Variants in CNTNAP2 observed in about 807,000 individuals in gnomAD.
The protein encoded by CNTNAP2 is contactin associated protein 2.
In CNTNAP2, 98 loss-of-function variants were observed where a neutral mutation model predicts 155.2. The ratio of observed to expected loss-of-function variants is 0.63; its 90% CI spans 0.54 to 0.75. The LOEUF is 0.75. Among genes scored for constraint, CNTNAP2 ranks in the 30% least tolerant of loss-of-function variants. The probability of loss-of-function intolerance (pLI) is 0.00; values close to 1 mark genes in which losing one functional copy is unlikely to be tolerated. For missense variants in CNTNAP2, 1,727 were observed against 1,688.1 expected (o/e 1.02, Z -0.40); for synonymous variants, 651 against 631.2 (o/e 1.03, Z -0.47).
intron 3 of CNTNAP2, among the ~76,000 whole-genome samples, chr7:146,950,829 T>C (rs1797296565): frequency 1.3e-5 from 2 of 152,156 alleles, no homozygotes; most frequent in Non-Finnish European, 2.9e-5. Flanking sequence ...TTGCTGGGTC[T>C]AATGGTATTT....
chr7:146,965,721 G>C (rs972999821), intron 3 of CNTNAP2, among the ~76,000 whole-genome samples: 1 of 152,138 alleles, frequency 6.6e-6, no homozygotes, highest in Non-Finnish European at 1.5e-5. Context: ...GAAATATCCA[G>C]GCTATAGAAA....
chr7:147,104,141 G>A (rs1800708513), intron 4 of CNTNAP2, among the ~76,000 whole-genome samples: 1 of 151,974 alleles, frequency 6.6e-6, no homozygotes, highest in Middle Eastern at 3.2e-3. Flanking sequence ...AATATTAGAG[G>A]AAGCTGGGTG....
At chr7:148,183,392 A>C (rs117576639) in intron 18 of CNTNAP2, among the ~76,000 whole-genome samples, 1 of 152,188 alleles carries the variant, frequency 6.6e-6, no homozygotes, top group Non-Finnish European at 1.5e-5. Flanking sequence ...TAAAGTCTAA[A>C]GACAAAAGTT....
At chr7:146,121,726 C>T (rs778423289) in intron 1 of CNTNAP2, among the ~76,000 whole-genome samples, 1 of 152,016 alleles carries the variant, frequency 6.6e-6, no homozygotes, top group Non-Finnish European at 1.5e-5. Context: ...CTGGCTGTTA[C>T]CTGTTTCTAG....
intron 16 of CNTNAP2, among the ~76,000 whole-genome samples, chr7:148,126,758 C>T (rs748011093): frequency 2.0e-5 from 3 of 151,980 alleles, no homozygotes; most frequent in Non-Finnish European, 2.9e-5. Flanking sequence ...GGGGAGAGGA[C>T]GAGTCACAGG....
intron 18 of CNTNAP2, among the ~76,000 whole-genome samples, chr7:148,179,783 A>AAAAGG (rs1795005742): frequency 6.6e-6 from 1 of 152,118 alleles, no homozygotes; most frequent in Non-Finnish European, 1.5e-5. Flanking sequence ...AGAAGAAAAG[A>AAAAGG]AAAGAAAGGT....
chr7:146,312,744 C>G (rs1800846399), intron 1 of CNTNAP2, among the ~76,000 whole-genome samples: 1 of 152,152 alleles, frequency 6.6e-6, no homozygotes, highest in African/African-American at 2.4e-5. Flanking sequence ...CTGGTATCCA[C>G]ATTTCTATTC....
chr7:148,398,089 TA>T lies in CNTNAP2; in HGVS notation c.3716-11298del, dbSNP rs564715897. The stretch of plus-strand genomic sequence containing the variant: ...AACCAAGAGCCGAACTGGGCATTCA[TA>T]AAAGACTTAAAATATGTGTAGAATT... On this transcript the variant is annotated intron_variant, in intron 22 of 23. Coordinates refer to ENST00000361727, the MANE Select transcript of CNTNAP2 (RefSeq NM_014141.6). 3.2e-3 allele frequency among the ~76,000 whole-genome samples: 482 copies of T among 152,322 alleles called. 3 individuals are homozygous for T. Among genetic ancestry groups the T allele is most frequent in the Non-Finnish European group, 4.7e-3 (317 of 68,022 alleles).
intron 1 of CNTNAP2, among the ~76,000 whole-genome samples, chr7:146,271,590 A>C (rs1800083189): frequency 6.6e-6 from 1 of 151,790 alleles, no homozygotes; most frequent in Admixed American, 6.6e-5. Context: ...CATACTTCAT[A>C]ATGTTAAGTT....
chr7:147,951,980 G>A (rs1800938727), intron 14 of CNTNAP2, among the ~76,000 whole-genome samples: 1 of 151,682 alleles, frequency 6.6e-6, no homozygotes, highest in Non-Finnish European at 1.5e-5. Flanking sequence ...ATGTTGTTAT[G>A]AGAACTCATA....
intron 8 of CNTNAP2, among the ~76,000 whole-genome samples, chr7:147,205,488 A>T (rs577187656): frequency 1.3e-5 from 2 of 152,172 alleles, no homozygotes; most frequent in African/African-American, 2.4e-5. Flanking sequence ...CAATCTAAAA[A>T]CATGGAATAT....
At chr7:148,402,588 ACAAT>A (rs1445379360) in intron 22 of CNTNAP2, among the ~76,000 whole-genome samples, 1 of 152,246 alleles carries the variant, frequency 6.6e-6, no homozygotes, top group Non-Finnish European at 1.5e-5. Context: ...TTTAAGAAAA[ACAAT>A]CATTTTCTGC....
At chr7:147,882,090 G>C (rs976575818) in intron 13 of CNTNAP2, among the ~76,000 whole-genome samples, 1 of 151,722 alleles carries the variant, frequency 6.6e-6, no homozygotes, top group Admixed American at 6.6e-5. Flanking sequence ...GCAATGTAAA[G>C]AAAATAGACA....
chr7:148,097,523 C>T (rs565706175), intron 15 of CNTNAP2, among the ~76,000 whole-genome samples: 3 of 152,148 alleles, frequency 2.0e-5, no homozygotes, highest in Non-Finnish European at 2.9e-5. Context: ...CTTGCTCTGT[C>T]GCCCAGGCTG....
At chr7:147,612,577 T>C (rs552512859) in intron 12 of CNTNAP2, among the ~76,000 whole-genome samples, 19 of 151,954 alleles carry the variant, frequency 1.3e-4, no homozygotes, top group Non-Finnish European at 2.6e-4. Context: ...ATTTTTGTAT[T>C]TTTAGTAGAG....
At chr7:147,543,356 C>A (rs1799672300) in intron 11 of CNTNAP2, among the ~76,000 whole-genome samples, 1 of 152,148 alleles carries the variant, frequency 6.6e-6, no homozygotes, top group Non-Finnish European at 1.5e-5. Context: ...TCTGGTAAAC[C>A]CACAACCTTC....
At chr7:147,595,230 T>C (rs761030414) in intron 12 of CNTNAP2, among the ~76,000 whole-genome samples, 2 of 152,224 alleles carry the variant, frequency 1.3e-5, no homozygotes, top group Admixed American at 6.5e-5. Context: ...CTAACAGCCA[T>C]AGTCAGTAAA....
chr7:147,860,780 C>A (rs372958312), intron 13 of CNTNAP2, among the ~76,000 whole-genome samples: 31 of 152,224 alleles, frequency 2.0e-4, no homozygotes, highest in African/African-American at 5.3e-4. Flanking sequence ...TCAGGTCATT[C>A]ATGGCAGTGT....
At chr7:146,775,885 A>G (rs545593842) in intron 2 of CNTNAP2, among the ~76,000 whole-genome samples, 1 of 152,240 alleles carries the variant, frequency 6.6e-6, no homozygotes, top group African/African-American at 2.4e-5. Flanking sequence ...GTAGAGGAAC[A>G]TAACAAAAAT....
Sources: gnomAD v4.1 joint callset for allele counts (sites outside exome capture counted in the v4.1 genomes callset) on GRCh38, gnomAD v4.1.1 for gene constraint, MANE v1.5 for transcripts, NCBI Gene and HGNC (gene_info 2026-07-23, HGNC 2026-07-21) for gene names.